MMP26: variants seen among roughly 807,000 people sequenced by gnomAD.
The protein encoded by MMP26 is matrix metalloproteinase-26.
Under a neutral mutation model 31.0 loss-of-function variants are expected in MMP26, and 33 were observed. The observed-to-expected ratio is 1.06, with a 90% CI of 0.81 to 1.42. The LOEUF is 1.42. Among genes scored for constraint, MMP26 ranks in the 40% most tolerant of loss-of-function variants. The probability of loss-of-function intolerance (pLI) is 0.00; values close to 1 mark genes in which losing one functional copy is unlikely to be tolerated. For synonymous variants in MMP26, 122 were observed against 114.9 expected, an observed-to-expected ratio of 1.06 and a Z score of -0.40; for missense variants, 347 against 316.1, an observed-to-expected ratio of 1.10 and a Z score of -0.74.
chr11:4,884,034 G>C (rs888749683), intron 2 of MMP26, among the ~76,000 whole-genome samples: 8 of 152,092 alleles, frequency 5.3e-5, no homozygotes, highest in Non-Finnish European at 1.2e-4. Context: ...TTTCTTTCAA[G>C]CTATGTTGTT....
chr11:4,859,732 A>T (rs1356578640), intron 2 of MMP26: 2 of 471,178 alleles, frequency 4.2e-6, no homozygotes, highest in Non-Finnish European at 8.8e-6. Flanking sequence ...ATCAGCCATG[A>T]CCATGTGCAC....
Position 4,781,848 on chromosome 11 carries a change from C to T in MMP26, c.-145+14507C>T, listed in dbSNP as rs187793902. Among the ~76,000 whole-genome samples, 4 of 152,210 alleles carry T rather than the reference C, an allele frequency of 2.6e-5. No individual in the cohort carries two copies. In the East Asian group the frequency reaches 7.8e-4, roughly 30 times the overall value. ...TGGTAGTGAATAAGTCTCCCAAGAG[C>T]TGATGGTTTGATAAGGGGAAACCCT... On this transcript the variant is annotated intron_variant, in intron 2 of 7. Coordinates refer to ENST00000380390, the MANE Select transcript of MMP26 (RefSeq NM_021801.5).
chr11:4,746,689 C>T (rs1261845739), intron 1 of MMP26, among the ~76,000 whole-genome samples: 1 of 151,996 alleles, frequency 6.6e-6, no homozygotes, highest in African/African-American at 2.4e-5. Context: ...CAAAAATTAG[C>T]CGGGTTTGGT....
chr11:4,787,379 C>T (rs553915239), intron 2 of MMP26: 1 of 152,378 alleles, frequency 6.6e-6, no homozygotes, highest in Admixed American at 6.5e-5. Context: ...ATTCTGGTCA[C>T]CGGGGTTGGT....
intron 2 of MMP26, among the ~76,000 whole-genome samples, chr11:4,823,561 T>C (rs1266462807): frequency 2.6e-5 from 4 of 152,100 alleles, no homozygotes; most frequent in Non-Finnish European, 5.9e-5. Context: ...TAAGCCTGAG[T>C]ATTTTCCTCC....
In MMP26 at chr11:4,823,155, C is replaced by T. The variant is rs77939309; in HGVS notation, c.-145+55814C>T. 9.3e-3 allele frequency among the ~76,000 whole-genome samples: 1,413 copies of T among 152,178 alleles called. 22 individuals carry two copies. Among genetic ancestry groups the T allele is most frequent in the African/African-American group, 0.031 (1,294 of 41,510 alleles). On this transcript the variant is annotated intron_variant, in intron 2 of 7. Coordinates refer to ENST00000380390, the MANE Select transcript of MMP26 (RefSeq NM_021801.5). ...CAGAGCAAAGGCTGGCTGATATCAA[C>T]GTATAGATACTTTATAGCTGGTTGT...
chr11:4,920,285 C>T (rs1273961258), intron 2 of MMP26, among the ~76,000 whole-genome samples: 7 of 152,112 alleles, frequency 4.6e-5, no homozygotes, highest in African/African-American at 1.7e-4. Context: ...AATGTAAGTA[C>T]CTAGTAGAAC....
At chr11:4,876,175 G>C (rs185095615) in intron 2 of MMP26, 1 of 152,228 alleles carries the variant, frequency 6.6e-6, no homozygotes, top group Admixed American at 6.5e-5. Flanking sequence ...ATTCTTCATG[G>C]TTATTGGTGT....
chr11:4,966,461 TG>T, intron 2 of MMP26, among the ~76,000 whole-genome samples: 1 of 152,244 alleles, frequency 6.6e-6, no homozygotes, highest in African/African-American at 2.4e-5. Context: ...TGATTAGATA[TG>T]GAGGGTGAAT....
chr11:4,903,813 G>A (rs1482708358), intron 2 of MMP26: 2 of 152,092 alleles, frequency 1.3e-5, no homozygotes, highest in Non-Finnish European at 2.9e-5. Context: ...AGGTTAAGGA[G>A]CTATAAATCC....
intron 2 of MMP26, among the ~76,000 whole-genome samples, chr11:4,867,380 T>G (rs1053588234): frequency 6.9e-6 from 1 of 145,838 alleles, no homozygotes; most frequent in African/African-American, 2.5e-5. Flanking sequence ...CACAATGAGA[T>G]GCTGTCCTTT....
At chr11:4,980,619 T>C (rs1414914254) in intron 2 of MMP26, among the ~76,000 whole-genome samples, 1 of 152,080 alleles carries the variant, frequency 6.6e-6, no homozygotes, top group African/African-American at 2.4e-5. Flanking sequence ...ATAAAATGGA[T>C]ATGCAAAAAT....
chr11:4,823,865 A>G (rs1849545507), intron 2 of MMP26, among the ~76,000 whole-genome samples: 1 of 152,188 alleles, frequency 6.6e-6, no homozygotes, highest in African/African-American at 2.4e-5. Flanking sequence ...ACTATGAGAT[A>G]AACGTTGTTC....
At chr11:4,860,010 G>A in intron 2 of MMP26, 1 of 471,156 alleles carries the variant, frequency 2.1e-6, no homozygotes, top group Non-Finnish European at 4.4e-6. Context: ...GCCGCATCAT[G>A]TTTTGGTGAA....
chr11:4,720,938 GA>G lies in MMP26; in HGVS notation c.-217+15899del, dbSNP rs561243491. On this transcript the variant is annotated intron_variant, in intron 1 of 7. Coordinates refer to ENST00000380390, the MANE Select transcript of MMP26 (RefSeq NM_021801.5). ...GATGAGATTATTGCTGGAAGTGTGG[GA>G]AAAAATAAAACTAGAAACTGGAACC... 9.2e-5 allele frequency among the ~76,000 whole-genome samples: 14 copies of G among 152,196 alleles called. No homozygotes were observed. The East Asian group carries it at 2.7e-3, about 29-fold the overall frequency.
At chr11:4,946,808 G>T in intron 2 of MMP26, 1 of 1,587,462 alleles carries the variant, frequency 6.3e-7, no homozygotes. Flanking sequence ...GGCAAAGCAG[G>T]CATTGGATGA....
At chr11:4,735,477 C>T (rs997707072) in intron 1 of MMP26, among the ~76,000 whole-genome samples, 3 of 152,148 alleles carry the variant, frequency 2.0e-5, no homozygotes, top group Admixed American at 2.0e-4. Context: ...TCTCCCCTTA[C>T]CTTATAGCTC....
At chr11:4,862,619 C>T (rs1850178470) in intron 2 of MMP26, among the ~76,000 whole-genome samples, 1 of 152,140 alleles carries the variant, frequency 6.6e-6, no homozygotes, top group Admixed American at 6.6e-5. Flanking sequence ...AAAAACATCT[C>T]AAGAACTGGT....
chr11:4,774,791 A>T (rs866727249), intron 2 of MMP26, among the ~76,000 whole-genome samples: 6 of 151,930 alleles, frequency 3.9e-5, no homozygotes, highest in Non-Finnish European at 2.9e-5. Context: ...ATCCATCATG[A>T]GTTAATTTTT....
Sources: allele counts gnomAD v4.1 joint callset (sites outside exome capture counted in the v4.1 genomes callset), GRCh38; gene constraint gnomAD v4.1.1; transcripts MANE v1.5; gene names NCBI Gene and HGNC (gene_info 2026-07-23, HGNC 2026-07-21).